LRP11: variants seen among roughly 807,000 people sequenced by gnomAD.
LRP11 encodes LDL receptor related protein 11.
A neutral mutation model predicts 43.1 loss-of-function variants in LRP11; 25 were observed. The observed-to-expected ratio is 0.58, with a 90% CI of 0.42 to 0.81. LRP11 has a LOEUF of 0.81. Among genes scored for constraint, LRP11 ranks in the 30% least tolerant of loss-of-function variants. The probability of loss-of-function intolerance (pLI) is 0.00; values close to 1 mark genes in which losing one functional copy is unlikely to be tolerated. For missense variants in LRP11, 623 were observed against 665.1 expected (o/e 0.94, Z 0.70); for synonymous variants, 316 against 299.4 (o/e 1.06, Z -0.57).
chr6:149,827,125 C>A lies in LRP11; in HGVS notation c.1253-766G>T, dbSNP rs554235185. On this transcript the variant is annotated intron_variant, in intron 5 of 6. Coordinates refer to ENST00000239367, the MANE Select transcript of LRP11 (RefSeq NM_032832.6). The surrounding 1 kb of genome is among the most constrained non-coding windows in gnomAD (Gnocchi z 4.2). ...GGGATTACAGGTGCGTGCCACCATG[C>A]CTCGCTAATTTTTGTATTTTTAGTA... Among the ~76,000 whole-genome samples, 1 of 151,974 alleles carries A rather than the reference C, an allele frequency of 6.6e-6. No homozygotes were observed. The highest frequency in any genetic ancestry group is 1.5e-5 in the Non-Finnish European group (1 of 67,996).
chr6:149,825,572 A>C (rs1776327408), intron 6 of LRP11, among the ~76,000 whole-genome samples: 1 of 152,184 alleles, frequency 6.6e-6, no homozygotes, highest in African/African-American at 2.4e-5. Flanking sequence ...TATTGTTACT[A>C]TCCTCATCTT....
At chr6:149,822,998 A>G (rs980342905) in intron 6 of LRP11, among the ~76,000 whole-genome samples, 9 of 152,128 alleles carry the variant, frequency 5.9e-5, no homozygotes, top group Non-Finnish European at 1.2e-4. Context: ...GCCAGAGAGA[A>G]AGGAAGAAGA....
At chr6:149,859,394 A>ATTTTTTTTTTTTTTTTTTTTTTT (rs1194880373) in intron 1 of LRP11, among the ~76,000 whole-genome samples, 1 of 73,874 alleles carries the variant, frequency 1.4e-5, no homozygotes, top group African/African-American at 8.9e-5. Flanking sequence ...ATATATATAT[A>ATTTTTTTTTTTTTTTTTTTTTTT]TATTTTTTTT....
intron 5 of LRP11, among the ~76,000 whole-genome samples, chr6:149,831,239 C>A (rs1376624900): frequency 2.0e-5 from 3 of 152,226 alleles, no homozygotes; most frequent in Non-Finnish European, 2.9e-5. Flanking sequence ...TCATTTCCAG[C>A]TGCCATAGAG....
chr6:149,856,855 T>C (rs912559200), intron 1 of LRP11, among the ~76,000 whole-genome samples: 7 of 152,108 alleles, frequency 4.6e-5, no homozygotes, highest in Admixed American at 1.3e-4. Context: ...GCAGAGCAAC[T>C]GGAAAGAACC....
intron 6 of LRP11, among the ~76,000 whole-genome samples, chr6:149,824,899 T>C (rs1199967352): frequency 6.6e-6 from 1 of 151,962 alleles, no homozygotes; most frequent in Non-Finnish European, 1.5e-5. Flanking sequence ...ACAACCAGAA[T>C]AGGCAACAGC....
chr6:149,833,493 A>G (rs189638097), intron 5 of LRP11, among the ~76,000 whole-genome samples: 1 of 152,366 alleles, frequency 6.6e-6, no homozygotes, highest in East Asian at 1.9e-4. Context: ...CTCATGAGTA[A>G]GAAAAAAGTT....
intron 3 of LRP11, among the ~76,000 whole-genome samples, chr6:149,842,055 G>A (rs909731519): frequency 1.3e-5 from 2 of 152,182 alleles, no homozygotes; most frequent in Admixed American, 6.5e-5. Flanking sequence ...CTGCATCTGC[G>A]TAAAGTGTCT....
chr6:149,830,114 G>A (rs536132304), intron 5 of LRP11, among the ~76,000 whole-genome samples: 5 of 150,562 alleles, frequency 3.3e-5, no homozygotes, highest in South Asian at 4.2e-4. Flanking sequence ...GGGTTCAAGC[G>A]ATTCTCCTGC....
intron 1 of LRP11, among the ~76,000 whole-genome samples, chr6:149,859,482 G>A (rs1469877885): frequency 2.8e-5 from 4 of 143,498 alleles, no homozygotes; most frequent in African/African-American, 8.0e-5. Context: ...TGTAACCTCC[G>A]ACTCCAGGGT....
At chr6:149,847,366 T>C (rs1460696074) in intron 2 of LRP11, among the ~76,000 whole-genome samples, 4 of 152,208 alleles carry the variant, frequency 2.6e-5, no homozygotes, top group Non-Finnish European at 5.9e-5. Context: ...CACTCCAGTT[T>C]AGATCTATCC....
Position 149,827,938 on chromosome 6 carries a change from C to T in LRP11, c.1253-1579G>A, listed in dbSNP as rs959871971. Among the ~76,000 whole-genome samples, 1 of 150,626 alleles carries T rather than the reference C, an allele frequency of 6.6e-6. No individual in the cohort carries two copies. Among genetic ancestry groups the T allele is most frequent in the African/African-American group, 2.5e-5 (1 of 40,786 alleles). On this transcript the variant is annotated intron_variant, in intron 5 of 6. Transcript: ENST00000239367. This position sits in a 1 kb window ranked among gnomAD's most constrained non-coding sequence, Gnocchi z 4.2. Reference sequence around the variant, plus strand: ...TGGGGAGGCTGAGGCAGGAGAATGGCGTGAACCCTGGAGGCGGAGCTTGCA... The same window carrying T: ...TGGGGAGGCTGAGGCAGGAGAATGGTGTGAACCCTGGAGGCGGAGCTTGCA...
At chr6:149,820,816 T>C (rs932327403) in intron 6 of LRP11, 113 bp from the exon 7 acceptor site, 10 of 601,990 alleles carry the variant, frequency 1.7e-5, no homozygotes, top group Non-Finnish European at 3.0e-5. Flanking sequence ...TCCAAACAAA[T>C]TGTTATTAGT....
intron 5 of LRP11, among the ~76,000 whole-genome samples, chr6:149,828,935 G>C (rs1394531899): frequency 6.6e-6 from 1 of 152,116 alleles, no homozygotes; most frequent in Non-Finnish European, 1.5e-5. Flanking sequence ...AATAATGCCT[G>C]ATTTTTTCAA....
chr6:149,821,932 T>A (rs953882441), intron 6 of LRP11, among the ~76,000 whole-genome samples: 5 of 152,282 alleles, frequency 3.3e-5, no homozygotes, highest in South Asian at 2.1e-4. Flanking sequence ...ACCACCCCCC[T>A]CAAGATAAGC....
chr6:149,864,278 G>C lies in LRP11; in HGVS notation c.-258C>G. ...CGCCGGAGACTGCCCAGCGCCCTGC[G>C]CCTCTCCGCCCCGGCCTGCGGCGCG... is the stretch of plus-strand genomic sequence containing the variant. On this transcript the variant is annotated 5_prime_UTR_variant, in exon 1 of 7. Coordinates refer to ENST00000239367, the MANE Select transcript of LRP11 (RefSeq NM_032832.6). 1 of 1,058,476 alleles carries C rather than the reference G, an allele frequency of 9.4e-7. No individual in the cohort carries two copies. The highest frequency in any genetic ancestry group is 1.1e-6 in the Non-Finnish European group (1 of 878,636). 65.6% of individuals were successfully genotyped at this position (1,058,476 alleles called of 1,614,324 possible).
chr6:149,848,532 T>A (rs1438197053), intron 2 of LRP11, among the ~76,000 whole-genome samples: 1 of 152,194 alleles, frequency 6.6e-6, no homozygotes, highest in Non-Finnish European at 1.5e-5. Flanking sequence ...ATATACACCA[T>A]GGAATACTAT....
chr6:149,857,775 C>A (rs138817346), intron 1 of LRP11, among the ~76,000 whole-genome samples: 208 of 152,290 alleles, frequency 1.4e-3, no homozygotes, highest in African/African-American at 4.8e-3. Flanking sequence ...TCCGCACAAC[C>A]AGTTCCTTGT....
At position 149,820,373 on chromosome 6, in the gene LRP11, A is replaced by G; in HGVS notation, c.*176T>C. The stretch of plus-strand genomic sequence containing the variant: ...CATGAATTCCTCTCTAAATTTCAAA[A>G]TATTTTATGACTTCTAAGGAAACTT... On this transcript the variant is annotated 3_prime_UTR_variant, in exon 7 of 7. Coordinates refer to ENST00000239367, the MANE Select transcript of LRP11 (RefSeq NM_032832.6). 2.2e-6 allele frequency: 1 copy of G among 457,534 alleles called. No homozygotes were observed. The highest frequency in any genetic ancestry group is 4.0e-5 in the South Asian group (1 of 25,158). The allele number at this position is 457,534 out of a possible 1,614,324, so 28.3% of individuals were successfully genotyped here. A position where few individuals can be genotyped will look rare whatever the true frequency, so the allele number is the denominator to read the frequency against.
Sources: gnomAD v4.1 joint callset for allele counts (sites outside exome capture counted in the v4.1 genomes callset) on GRCh38, gnomAD v4.1.1 for gene constraint, Gnocchi (gnomAD v3.1) non-coding constraint, MANE v1.5 for transcripts, NCBI Gene and HGNC (gene_info 2026-07-23, HGNC 2026-07-21) for gene names.